Variants in KIAA1217 observed in about 807,000 individuals in gnomAD.
KIAA1217 encodes KIAA1217, also known as sickle tail protein homolog.
KIAA1217 carries 88 observed loss-of-function variants against 163.9 expected under a neutral mutation model. That is an observed-to-expected ratio of 0.54 (90% CI 0.45 to 0.64). The LOEUF is 0.64. Among genes scored for constraint, KIAA1217 ranks in the 30% least tolerant of loss-of-function variants. The pLI is 0.00. For missense variants in KIAA1217, 2,372 were observed against 2,475.0 expected, an observed-to-expected ratio of 0.96 and a Z score of 0.88; for synonymous variants, 903 against 923.1, an observed-to-expected ratio of 0.98 and a Z score of 0.39.
chr10:24,091,934 C>A (rs544412597), intron 2 of KIAA1217, among the ~76,000 whole-genome samples: 2 of 151,686 alleles, frequency 1.3e-5, no homozygotes, highest in African/African-American at 4.9e-5. Context: ...TAAAAGATCA[C>A]GTGAAGGTCA....
intron 2 of KIAA1217, among the ~76,000 whole-genome samples, chr10:24,106,202 G>A (rs1160376982): frequency 1.3e-5 from 2 of 152,140 alleles, no homozygotes; most frequent in East Asian, 3.9e-4. Context: ...ACAGGACCCT[G>A]ATGCTTGGCT....
At chr10:24,298,449 C>G (rs888966787) in intron 2 of KIAA1217, among the ~76,000 whole-genome samples, 4 of 152,130 alleles carry the variant, frequency 2.6e-5, no homozygotes, top group Non-Finnish European at 4.4e-5. Context: ...TAGTTCCTGT[C>G]TTAAGACAGA....
intron 1 of KIAA1217, among the ~76,000 whole-genome samples, chr10:23,996,054 G>A (rs1196500183): frequency 1.3e-5 from 2 of 152,130 alleles, no homozygotes; most frequent in East Asian, 3.9e-4. Flanking sequence ...TGAAATGTTG[G>A]TGCTAGCCCA....
chr10:24,041,133 G>A (rs138542059), intron 2 of KIAA1217, among the ~76,000 whole-genome samples: 68 of 152,336 alleles, frequency 4.5e-4, no homozygotes, highest in African/African-American at 1.4e-3. Flanking sequence ...TTGGAGTGGA[G>A]TTATATGACC....
chr10:23,730,148 G>A (rs1443271701), intron 1 of KIAA1217, among the ~76,000 whole-genome samples: 3 of 152,140 alleles, frequency 2.0e-5, no homozygotes, highest in Non-Finnish European at 4.4e-5. Flanking sequence ...TGATCTGCCC[G>A]CCTCGGCCTC....
chr10:23,792,369 T>C (rs760103851), intron 1 of KIAA1217, among the ~76,000 whole-genome samples: 4 of 152,220 alleles, frequency 2.6e-5, no homozygotes, highest in African/African-American at 9.6e-5. Flanking sequence ...TGAACAAATA[T>C]GATTAATTTA....
At chr10:24,381,867 G>A (rs1400691086) in intron 3 of KIAA1217, among the ~76,000 whole-genome samples, 1 of 152,170 alleles carries the variant, frequency 6.6e-6, no homozygotes, top group East Asian at 1.9e-4. Flanking sequence ...GGGACAATGT[G>A]GCTAACATCT....
chr10:24,396,980 T>C (rs908865119), intron 3 of KIAA1217, among the ~76,000 whole-genome samples: 2 of 152,092 alleles, frequency 1.3e-5, no homozygotes, highest in Non-Finnish European at 2.9e-5. Context: ...TCCAGGAAGA[T>C]GGGAGTGTTA....
At chr10:24,361,982 CAAAAAA>C (rs68117028) in intron 2 of KIAA1217, among the ~76,000 whole-genome samples, 47 of 100,534 alleles carry the variant, frequency 4.7e-4, no homozygotes, top group Non-Finnish European at 5.9e-4. Flanking sequence ...GACTCTGTCT[CAAAAAA>C]AAAAAAAAAA....
intron 2 of KIAA1217, among the ~76,000 whole-genome samples, chr10:24,115,978 C>T (rs1029955066): frequency 5.3e-5 from 8 of 152,160 alleles, no homozygotes; most frequent in African/African-American, 1.9e-4. Context: ...TGTAACTAAT[C>T]TTTGTTATTT....
At chr10:24,482,743 G>A (rs1390517652) in intron 6 of KIAA1217, 1 of 152,140 alleles carries the variant, frequency 6.6e-6, no homozygotes, top group Admixed American at 6.5e-5. Flanking sequence ...TATTGAACTG[G>A]GTGCAGTAAC....
intron 3 of KIAA1217, among the ~76,000 whole-genome samples, chr10:24,395,337 G>A (rs1251180569): frequency 6.6e-6 from 1 of 152,182 alleles, no homozygotes; most frequent in Non-Finnish European, 1.5e-5. Context: ...CGGTCTTGGA[G>A]GGTAATCTTT....
chr10:24,037,614 G>T lies in KIAA1217; in HGVS notation c.-171+30240G>T, dbSNP rs368255265. On this transcript the variant is annotated intron_variant, in intron 2 of 18. Transcript: ENST00000376462. Reference sequence around the variant, plus strand: ...CTTAGGCTCTGGAGTAGATGGGCAAGTTGCCTGTTGATCACAGGAGACAGA... The same window carrying T: ...CTTAGGCTCTGGAGTAGATGGGCAATTTGCCTGTTGATCACAGGAGACAGA... Among the ~76,000 whole-genome samples the T allele has an allele frequency of 6.1e-4, 93 of 152,340 alleles. 1 individual carries two copies. The highest frequency in any genetic ancestry group is 2.2e-3 in the African/African-American group (90 of 41,584).
At chr10:24,471,674 G>A (rs1398927374) in intron 5 of KIAA1217, among the ~76,000 whole-genome samples, 1 of 151,998 alleles carries the variant, frequency 6.6e-6, no homozygotes, top group African/African-American at 2.4e-5. Flanking sequence ...CCTGAGGTCA[G>A]GAGTTCAAGA....
intron 2 of KIAA1217, among the ~76,000 whole-genome samples, chr10:24,056,909 G>T (rs1421214780): frequency 6.6e-6 from 1 of 152,030 alleles, no homozygotes; most frequent in Non-Finnish European, 1.5e-5. Context: ...AATAATTAAA[G>T]GTTGTATTTA....
chr10:24,217,645 C>A (rs563785052), intron 1 of KIAA1217, among the ~76,000 whole-genome samples: 1 of 151,812 alleles, frequency 6.6e-6, no homozygotes, highest in African/African-American at 2.4e-5. Flanking sequence ...GAGTGGTGGT[C>A]ACATTGCTTT....
intron 2 of KIAA1217, among the ~76,000 whole-genome samples, chr10:24,287,756 C>A (rs912339036): frequency 6.6e-6 from 1 of 152,166 alleles, no homozygotes; most frequent in Non-Finnish European, 1.5e-5. Flanking sequence ...CCTCTGCTGT[C>A]TATCAAATTC....
Position 24,375,580 on chromosome 10 carries a change from G to A in KIAA1217, c.355-5289G>A, listed in dbSNP as rs544369923. On this transcript the variant is annotated intron_variant, in intron 2 of 20. Transcript: ENST00000376454. ...TGAAATCAGAATTTTGACTGGGTTTGAGTTGAAAGTTTCACAAGTGAAAGA... is the reference window on the plus strand; with the variant it reads ...TGAAATCAGAATTTTGACTGGGTTTAAGTTGAAAGTTTCACAAGTGAAAGA... 3.9e-4 allele frequency among the ~76,000 whole-genome samples: 59 copies of A among 152,340 alleles called. No individual in the cohort carries two copies. The South Asian group carries it at 0.012, about 32-fold the overall frequency.
Position 24,436,507 on chromosome 10 carries a change from C to T in KIAA1217, c.753-1879C>T, listed in dbSNP as rs2060034459. The stretch of plus-strand genomic sequence containing the variant: ...GGCGCTGTGGCTCACGCCTGTAATC[C>T]CAGCACTTTGGGAGGCCAAGGTGGG... On this transcript the variant is annotated intron_variant, in intron 4 of 20. Coordinates refer to ENST00000376454, the MANE Select transcript of KIAA1217 (RefSeq NM_019590.5). Among the ~76,000 whole-genome samples the T allele has an allele frequency of 2.0e-5, 3 of 150,366 alleles. No individual in the cohort carries two copies. The South Asian group carries it at 6.3e-4, about 32-fold the overall frequency.
Sources: gnomAD v4.1 joint callset for allele counts (sites outside exome capture counted in the v4.1 genomes callset) on GRCh38, gnomAD v4.1.1 for gene constraint, MANE v1.5 for transcripts, NCBI Gene and HGNC (gene_info 2026-07-23, HGNC 2026-07-21) for gene names.